The following NCOA2 variants were observed in gnomAD, a reference collection of about 807,000 sequenced individuals.
The protein encoded by NCOA2 is nuclear receptor coactivator 2, also known as class E basic helix-loop-helix protein 75.
In NCOA2, 21 loss-of-function variants were observed where a neutral mutation model predicts 145.1. That is an observed-to-expected ratio of 0.14 (90% CI 0.10 to 0.21). The LOEUF (loss-of-function observed/expected upper bound fraction) is 0.21. Among genes scored for constraint, NCOA2 ranks in the 10% least tolerant of loss-of-function variants. The pLI is 1.00. For synonymous variants in NCOA2, 619 were observed against 637.5 expected, an observed-to-expected ratio of 0.97 and a Z score of 0.44; for missense variants, 1,472 against 1,837.6, an observed-to-expected ratio of 0.80 and a Z score of 3.64.
At position 70,144,779 on chromosome 8, in the gene NCOA2, G is replaced by T; in HGVS notation, c.2675C>A (p.Thr892Lys). The T allele has an allele frequency of 6.2e-7, 1 of 1,613,988 alleles. No homozygotes were observed. The highest frequency in any genetic ancestry group is 8.5e-7 in the Non-Finnish European group (1 of 1,179,874). The change falls in exon 13 of 23, where the codon ACA becomes AAA. Residue 892 changes from threonine to lysine, a missense_variant. By Grantham distance (78) the Thr-to-Lys change is moderately conservative. Coordinates refer to ENST00000452400, the MANE Select transcript of NCOA2 (RefSeq NM_006540.4). ...TCCAGCACCAGTTGGGCTTTGCAAT[G>T]TGATGTCAAGTGGTAAATTCTGGTT... is the stretch of plus-strand genomic sequence containing the variant. The part of the protein sequence containing the change: ...LPNQNLPLDI[T>K]LQSPTGAGPF...
chr8:70,261,451 G>C (rs6989792), intron 2 of NCOA2, among the ~76,000 whole-genome samples: 116,244 of 151,728 alleles, frequency 0.77, 45,532 homozygotes, highest in Non-Finnish European at 0.84. Flanking sequence ...TGGGGTGGGG[G>C]GAGGCGGGAG....
At chr8:70,161,853 C>A (rs1813051222) in intron 9 of NCOA2, among the ~76,000 whole-genome samples, 1 of 152,138 alleles carries the variant, frequency 6.6e-6, no homozygotes, top group South Asian at 2.1e-4. Context: ...CAGTCTCCCT[C>A]CCCAAATTAG....
intron 2 of NCOA2, among the ~76,000 whole-genome samples, chr8:70,255,192 G>A (rs570917635): frequency 1.8e-4 from 28 of 152,256 alleles, no homozygotes; most frequent in African/African-American, 6.3e-4. Context: ...TGGAACCCCC[G>A]AGTCTGTCAC....
chr8:70,147,868 T>C (rs1811277008), intron 12 of NCOA2, among the ~76,000 whole-genome samples: 1 of 152,214 alleles, frequency 6.6e-6, no homozygotes, highest in African/African-American at 2.4e-5. Context: ...GGGTAGAATA[T>C]TTTTAAATAG....
chr8:70,283,386 A>C (rs1826023179), intron 2 of NCOA2, among the ~76,000 whole-genome samples: 1 of 152,196 alleles, frequency 6.6e-6, no homozygotes. Context: ...GCAGAGTCAC[A>C]ACAGATTTCT....
chr8:70,308,718 C>A (rs1196015837), intron 1 of NCOA2, among the ~76,000 whole-genome samples: 1 of 152,148 alleles, frequency 6.6e-6, no homozygotes, highest in East Asian at 1.9e-4. Flanking sequence ...CCACAAACTA[C>A]AGCATGGAGA....
At chr8:70,188,879 TCTTA>T (rs1244527942) in intron 4 of NCOA2, among the ~76,000 whole-genome samples, 9 of 152,242 alleles carry the variant, frequency 5.9e-5, no homozygotes, top group Admixed American at 2.0e-4. Flanking sequence ...TCTATGGCTT[TCTTA>T]CTAATAAATT....
At chr8:70,403,611 C>T in intron 1 of NCOA2, 89 bp downstream of exon 1, 1 of 319,756 alleles carries the variant, frequency 3.1e-6, no homozygotes, top group Non-Finnish European at 5.5e-6. Flanking sequence ...GCAGGAAGGG[C>T]AGTCGCGGCC....
chr8:70,203,342 G>A (rs552867466), intron 4 of NCOA2, among the ~76,000 whole-genome samples: 1 of 151,502 alleles, frequency 6.6e-6, no homozygotes, highest in Non-Finnish European at 1.5e-5. Flanking sequence ...CTGAAAATAC[G>A]TAAGTCTAAA....
At chr8:70,334,295 A>G (rs1315758468) in intron 1 of NCOA2, among the ~76,000 whole-genome samples, 2 of 152,208 alleles carry the variant, frequency 1.3e-5, no homozygotes, top group East Asian at 3.8e-4. Context: ...CTAACACAGC[A>G]TCTGTTGGCT....
chr8:70,338,595 A>G (rs892087000), intron 1 of NCOA2, among the ~76,000 whole-genome samples: 3 of 152,222 alleles, frequency 2.0e-5, no homozygotes, highest in Admixed American at 6.5e-5. Context: ...CTACGAGGCC[A>G]GCATCATCCT....
intron 11 of NCOA2, among the ~76,000 whole-genome samples, chr8:70,152,566 C>G (rs1413409849): frequency 5.3e-5 from 8 of 152,160 alleles, no homozygotes; most frequent in Non-Finnish European, 1.2e-4. Context: ...ATACGTGTCT[C>G]AGCAGCATTA....
At chr8:70,329,248 T>C (rs190748163) in intron 1 of NCOA2, among the ~76,000 whole-genome samples, 110 of 151,926 alleles carry the variant, frequency 7.2e-4, no homozygotes, top group Non-Finnish European at 1.3e-3. Flanking sequence ...TCCTAAGTAG[T>C]TGGGACTACA....
intron 1 of NCOA2, among the ~76,000 whole-genome samples, chr8:70,344,347 A>T (rs906939365): frequency 2.0e-5 from 3 of 152,192 alleles, no homozygotes; most frequent in African/African-American, 7.2e-5. Context: ...TAAGGAACAG[A>T]GTGTGCGGGG....
chr8:70,415,673 G>C, the NCOA2 span, among the ~76,000 whole-genome samples: 1 of 152,026 alleles, frequency 6.6e-6, no homozygotes, highest in Admixed American at 6.6e-5. Flanking sequence ...TACTTTGCTG[G>C]GCACGGGTTA....
chr8:70,259,824 G>A (rs531956961), intron 2 of NCOA2, among the ~76,000 whole-genome samples: 83 of 152,268 alleles, frequency 5.5e-4, no homozygotes, highest in Non-Finnish European at 9.4e-4. Flanking sequence ...TTGTTATTAA[G>A]AGAGCTCTCG....
intron 1 of NCOA2, among the ~76,000 whole-genome samples, chr8:70,394,743 T>C (rs1381527322): frequency 6.6e-6 from 1 of 152,198 alleles, no homozygotes; most frequent in Non-Finnish European, 1.5e-5. Flanking sequence ...CATCTAACAC[T>C]GTAGGGTTTA....
chr8:70,113,698 A>G (rs1167482585), intron 22 of NCOA2, 55 bp from the exon 23 acceptor site: 1 of 1,494,744 alleles, frequency 6.7e-7, no homozygotes, highest in Non-Finnish European at 9.1e-7. Flanking sequence ...TGAAAAAAAC[A>G]TCATAAAGCC....
chr8:70,140,797 A>G lies in NCOA2; in HGVS notation c.3028+387T>C, dbSNP rs564854383. Among the ~76,000 whole-genome samples the G allele has an allele frequency of 8.4e-4, 127 of 151,852 alleles. 1 individual carries two copies. The highest frequency in any genetic ancestry group is 3.0e-3 in the African/African-American group (123 of 41,396). ...ATTTTAGTAGAGATGGGGTTTCACC[A>G]TGTTGGCCAGGCTGGTCTCGAACTC... On this transcript the variant is annotated intron_variant, in intron 14 of 22. Coordinates refer to ENST00000452400, the MANE Select transcript of NCOA2 (RefSeq NM_006540.4).
Sources: allele counts gnomAD v4.1 joint callset (sites outside exome capture counted in the v4.1 genomes callset), GRCh38; gene constraint gnomAD v4.1.1; transcripts MANE v1.5; gene names NCBI Gene and HGNC (gene_info 2026-07-23, HGNC 2026-07-21).